Variants in SOX5 observed in about 807,000 individuals in gnomAD.
SOX5 encodes SRY-box transcription factor 5.
A neutral mutation model predicts 92.0 loss-of-function variants in SOX5; 9 were observed. That is an observed-to-expected ratio of 0.10 (90% CI 0.06 to 0.17). The LOEUF is 0.17. SOX5 is among the 10% of genes least tolerant of loss of function. The pLI is 1.00. For synonymous variants in SOX5, 344 were observed against 336.3 expected, an observed-to-expected ratio of 1.02 and a Z score of -0.25; for missense variants, 642 against 944.5, an observed-to-expected ratio of 0.68 and a Z score of 4.20.
intron 2 of SOX5, among the ~76,000 whole-genome samples, chr12:24,302,955 G>C (rs983949664): frequency 5.9e-5 from 9 of 152,014 alleles, no homozygotes; most frequent in Non-Finnish European, 8.8e-5. Flanking sequence ...AAAAAAACCT[G>C]ATTTTCTGAA....
At position 23,595,327 on chromosome 12, in the gene SOX5, A is replaced by T. The variant is rs1056277093; in HGVS notation, c.1164+9060T>A. On this transcript the variant is annotated intron_variant, in intron 9 of 14. Coordinates refer to ENST00000451604, the MANE Select transcript of SOX5 (RefSeq NM_006940.6). ...ACACATGAAATCTGAAGAACTTCTT[A>T]AAAAAAAATTGTGGGCCGGACACGG... 8.6e-5 allele frequency among the ~76,000 whole-genome samples: 13 copies of T among 151,518 alleles called. No homozygotes were observed. In the South Asian group the frequency reaches 2.5e-3, roughly 29 times the overall value.
chr12:23,822,821 C>T (rs1038426433), intron 3 of SOX5, among the ~76,000 whole-genome samples: 4 of 152,084 alleles, frequency 2.6e-5, no homozygotes, highest in Non-Finnish European at 5.9e-5. Flanking sequence ...ATTGGGTGCA[C>T]ATACATTTAG....
Position 24,144,487 on chromosome 12 carries a change from CATAAAAACAAATTATATAA to C in SOX5, c.-2+68837_-2+68855del, listed in dbSNP as rs536830295. ...TATGTAGCGCTGCATTTACAACATA[CATAAAAACAAATTATATAA>C]TTAAAATAGCACAGAAAAGCCAAGT... On this transcript the variant is annotated intron_variant, in intron 4 of 4. Transcript: ENST00000446891. 6.4e-3 allele frequency among the ~76,000 whole-genome samples: 980 copies of C among 152,220 alleles called. 35 individuals are homozygous for C. Among genetic ancestry groups the C allele is most frequent in the Admixed American group, 0.06 (916 of 15,286 alleles).
At chr12:24,226,431 T>A (rs934691282) in intron 3 of SOX5, among the ~76,000 whole-genome samples, 1 of 152,188 alleles carries the variant, frequency 6.6e-6, no homozygotes, top group African/African-American at 2.4e-5. Flanking sequence ...TGGAAATGTC[T>A]TCCATATTAC....
chr12:23,710,238 G>T (rs1030207968), intron 6 of SOX5, among the ~76,000 whole-genome samples: 4 of 151,622 alleles, frequency 2.6e-5, no homozygotes, highest in Admixed American at 1.3e-4. Flanking sequence ...TGCAATATAT[G>T]ATATATATTT....
At chr12:23,552,823 A>G (rs4963701) in intron 11 of SOX5, among the ~76,000 whole-genome samples, 11,174 of 152,022 alleles carry the variant, frequency 0.074, 581 homozygotes, top group South Asian at 0.12. Flanking sequence ...ATACTGAAGA[A>G]GCAATTCAAG....
intron 3 of SOX5, among the ~76,000 whole-genome samples, chr12:24,246,290 T>C (rs1278535211): frequency 6.6e-6 from 1 of 152,122 alleles, no homozygotes; most frequent in Non-Finnish European, 1.5e-5. Context: ...AGATTTTTTT[T>C]TTTTTAAAAG....
chr12:24,354,170 C>A (rs1290409286), intron 2 of SOX5, among the ~76,000 whole-genome samples: 2 of 152,214 alleles, frequency 1.3e-5, no homozygotes, highest in African/African-American at 4.8e-5. Context: ...TAGACCCAAT[C>A]ATGTCTGGAA....
chr12:23,926,422 G>A (rs1295105048), intron 1 of SOX5, among the ~76,000 whole-genome samples: 1 of 152,048 alleles, frequency 6.6e-6, no homozygotes, highest in Non-Finnish European at 1.5e-5. Flanking sequence ...GTATTATAAA[G>A]ATACAAAATA....
intron 3 of SOX5, among the ~76,000 whole-genome samples, chr12:23,803,921 A>G (rs2095710470): frequency 6.6e-6 from 1 of 152,222 alleles, no homozygotes; most frequent in Admixed American, 6.5e-5. Flanking sequence ...TGTGTGATTA[A>G]CCGTAAAGTC....
chr12:24,332,024 G>A (rs1951391572), intron 2 of SOX5, among the ~76,000 whole-genome samples: 3 of 151,974 alleles, frequency 2.0e-5, no homozygotes, highest in Admixed American at 2.0e-4. Flanking sequence ...ACAACAGAAA[G>A]TCTAAGAACC....
chr12:24,498,266 C>G (rs1947845629), intron 1 of SOX5, among the ~76,000 whole-genome samples: 1 of 151,656 alleles, frequency 6.6e-6, no homozygotes, highest in Non-Finnish European at 1.5e-5. Context: ...ATATTATTAT[C>G]ACCCTTTTAC....
chr12:24,306,849 A>T (rs997232636), intron 2 of SOX5, among the ~76,000 whole-genome samples: 1 of 152,134 alleles, frequency 6.6e-6, no homozygotes, highest in African/African-American at 2.4e-5. Context: ...GCCCAGACTA[A>T]GGGCAAGGCA....
chr12:24,278,875 C>CTTT (rs11357779), intron 2 of SOX5, among the ~76,000 whole-genome samples: 2 of 141,076 alleles, frequency 1.4e-5, no homozygotes. Context: ...ACAAACTCCA[C>CTTT]TTTTTTTTTT....
At chr12:23,659,209 T>A (rs1485494192) in intron 7 of SOX5, among the ~76,000 whole-genome samples, 1 of 152,134 alleles carries the variant, frequency 6.6e-6, no homozygotes, top group Non-Finnish European at 1.5e-5. Context: ...GGAACCCACA[T>A]GATACTCCCA....
chr12:23,691,385 CA>C (rs1355669185), intron 6 of SOX5, among the ~76,000 whole-genome samples: 1 of 152,130 alleles, frequency 6.6e-6, no homozygotes, highest in African/African-American at 2.4e-5. Flanking sequence ...TATGTTAATT[CA>C]CAGAATAAAT....
chr12:24,523,647 G>T (rs898789483), intron 1 of SOX5, among the ~76,000 whole-genome samples: 1 of 152,116 alleles, frequency 6.6e-6, no homozygotes, highest in African/African-American at 2.4e-5. Context: ...GGAAGGAATA[G>T]TCTCTTCAGA....
At chr12:23,784,522 C>A (rs1206525170) in intron 3 of SOX5, among the ~76,000 whole-genome samples, 1 of 152,022 alleles carries the variant, frequency 6.6e-6, no homozygotes, top group East Asian at 1.9e-4. Flanking sequence ...GAGACAGGGT[C>A]TCACCGTGTT....
chr12:24,333,047 C>T (rs184186069), intron 2 of SOX5, among the ~76,000 whole-genome samples: 16 of 151,848 alleles, frequency 1.1e-4, no homozygotes, highest in Admixed American at 5.9e-4. Flanking sequence ...AACATCAAAA[C>T]GCGACAATAT....
Sources: allele counts gnomAD v4.1 joint callset (sites outside exome capture counted in the v4.1 genomes callset), GRCh38; gene constraint gnomAD v4.1.1; transcripts MANE v1.5; gene names NCBI Gene and HGNC (gene_info 2026-07-23, HGNC 2026-07-21).